Variants in SMOC2 observed in about 807,000 individuals in gnomAD.
SMOC2 encodes the protein SPARC-related modular calcium-binding protein 2.
Under a neutral mutation model 61.4 loss-of-function variants are expected in SMOC2, and 39 were observed. The ratio of observed to expected loss-of-function variants is 0.64; its 90% CI spans 0.49 to 0.83. The LOEUF (loss-of-function observed/expected upper bound fraction) is 0.83, where lower values mean the gene tolerates loss of function less well. Among genes scored for constraint, SMOC2 ranks in the 40% least tolerant of loss-of-function variants. SMOC2 has a pLI of 0.00. For missense variants in SMOC2, 556 were observed against 592.9 expected (o/e 0.94, Z 0.65); for synonymous variants, 247 against 239.9 (o/e 1.03, Z -0.27).
chr6:168,613,139 T>C (rs1785931824), intron 9 of SMOC2, among the ~76,000 whole-genome samples: 2 of 152,198 alleles, frequency 1.3e-5, no homozygotes, highest in African/African-American at 4.8e-5. Flanking sequence ...TTCGTCATTG[T>C]GACGATCTGC....
intron 2 of SMOC2, among the ~76,000 whole-genome samples, chr6:168,519,818 G>A (rs189642435): frequency 6.6e-5 from 10 of 152,184 alleles, no homozygotes; most frequent in Admixed American, 3.9e-4. Flanking sequence ...ATGATCTGTG[G>A]TTTCTTGTAT....
chr6:168,529,883 C>G (rs1365884345), intron 4 of SMOC2, among the ~76,000 whole-genome samples: 1 of 152,214 alleles, frequency 6.6e-6, no homozygotes, highest in Admixed American at 6.5e-5. Context: ...GTGTCTTGAT[C>G]TGTAGGCGCC....
Position 168,629,018 on chromosome 6 carries a change from G to A in SMOC2, c.907+20779G>A, listed in dbSNP as rs999766463. 1.6e-4 allele frequency among the ~76,000 whole-genome samples: 24 copies of A among 152,246 alleles called. 1 individual carries two copies. Among genetic ancestry groups the A allele is most frequent in the Admixed American group, 1.5e-3 (23 of 15,290 alleles). On this transcript the variant is annotated intron_variant, in intron 9 of 12. Transcript: ENST00000356284. ...GCGTTGGCTGGCAGGCAGGCGAGGG[G>A]GACTCACGGCCTCTTTTCAGCTCTC...
At chr6:168,645,161 ATTTCT>A (rs1362564737) in intron 9 of SMOC2, among the ~76,000 whole-genome samples, 1 of 152,230 alleles carries the variant, frequency 6.6e-6, no homozygotes, top group Non-Finnish European at 1.5e-5. Context: ...TTTCTTACAG[ATTTCT>A]GGAGAAGGAG....
chr6:168,477,965 A>C (rs1415360673), intron 1 of SMOC2, among the ~76,000 whole-genome samples: 2 of 152,110 alleles, frequency 1.3e-5, no homozygotes, highest in Non-Finnish European at 2.9e-5. Flanking sequence ...ACTGCTCATA[A>C]AGGTCTTCTC....
intron 1 of SMOC2, among the ~76,000 whole-genome samples, chr6:168,507,563 G>C (rs1671157455): frequency 6.6e-6 from 1 of 152,206 alleles, no homozygotes; most frequent in African/African-American, 2.4e-5. Context: ...GCACCCGAAG[G>C]TCATGTCTCC....
At chr6:168,620,463 G>T (rs1786215083) in intron 9 of SMOC2, among the ~76,000 whole-genome samples, 1 of 152,094 alleles carries the variant, frequency 6.6e-6, no homozygotes, top group Non-Finnish European at 1.5e-5. Flanking sequence ...TATGACCCTG[G>T]GATGAATGCT....
At position 168,599,005 on chromosome 6, in the gene SMOC2, G is replaced by A; in HGVS notation, c.824+1G>A. On this transcript the variant is annotated splice_donor_variant, in intron 8 of 12. Transcript: ENST00000356284. LOFTEE classifies it high-confidence loss of function. ...GCCCCATTCCCGGCACATCCACAAG[G>A]TAAATAGGGTGCACCCACCCCCCCC... The A allele has an allele frequency of 6.3e-7, 1 of 1,591,078 alleles. No homozygotes were observed. Among genetic ancestry groups the A allele is most frequent in the Non-Finnish European group, 8.6e-7 (1 of 1,168,138 alleles).
intron 7 of SMOC2, among the ~76,000 whole-genome samples, chr6:168,594,346 T>C (rs866741041): frequency 3.8e-4 from 8 of 20,896 alleles, no homozygotes; most frequent in Admixed American, 1.2e-3. Context: ...ATCGCCGAGC[T>C]CCTCCTCCTT....
chr6:168,447,741 G>T (rs1267541957), intron 1 of SMOC2, among the ~76,000 whole-genome samples: 1 of 151,810 alleles, frequency 6.6e-6, no homozygotes, highest in Non-Finnish European at 1.5e-5. Flanking sequence ...GCCCTTGAGT[G>T]CAGGTCACCA....
intron 3 of SMOC2, 57 bp from the exon 4 acceptor site, chr6:168,527,571 C>A (rs2609287): frequency 1.5e-6 from 2 of 1,293,212 alleles, no homozygotes; most frequent in East Asian, 2.5e-5. Context: ...GCCTCGCAGC[C>A]GTGAGGCGCT....
At chr6:168,627,473 C>A (rs1354866859) in intron 9 of SMOC2, among the ~76,000 whole-genome samples, 1 of 152,072 alleles carries the variant, frequency 6.6e-6, no homozygotes, top group East Asian at 1.9e-4. Context: ...TCTCTGCGGG[C>A]AGGATGTCAG....
intron 11 of SMOC2, among the ~76,000 whole-genome samples, chr6:168,654,342 CA>C (rs1562407384): frequency 8.4e-5 from 4 of 47,632 alleles, no homozygotes; most frequent in African/African-American, 1.3e-4. Context: ...AGGAACTCAC[CA>C]ACCCTCTACC....
intron 1 of SMOC2, among the ~76,000 whole-genome samples, chr6:168,501,007 G>A (rs1458512674): frequency 6.6e-6 from 1 of 152,196 alleles, no homozygotes; most frequent in Admixed American, 6.5e-5. Flanking sequence ...GTTCAGCTGT[G>A]TTACAGTATT....
At chr6:168,620,576 C>A (rs1255553649) in intron 9 of SMOC2, among the ~76,000 whole-genome samples, 2 of 152,220 alleles carry the variant, frequency 1.3e-5, no homozygotes, top group Non-Finnish European at 1.5e-5. Context: ...TGGTAGAATT[C>A]TTGTAAACTC....
intron 11 of SMOC2, chr6:168,655,459 C>T (rs990856172): frequency 1.5e-5 from 7 of 455,340 alleles, no homozygotes; most frequent in Admixed American, 1.4e-4. Context: ...CAGGAGAAGC[C>T]GGGTCTGACT....
At chr6:168,601,191 C>T (rs762583442) in intron 8 of SMOC2, among the ~76,000 whole-genome samples, 20 of 152,206 alleles carry the variant, frequency 1.3e-4, no homozygotes, top group Non-Finnish European at 1.8e-4. Context: ...GGGCTCAAGC[C>T]GACTAATGCC....
At chr6:168,662,392 G>C (rs1238264389) in intron 11 of SMOC2, among the ~76,000 whole-genome samples, 70 of 152,230 alleles carry the variant, frequency 4.6e-4, no homozygotes, top group Non-Finnish European at 7.3e-5. Context: ...GGAGACTGGA[G>C]GAGCAGAGGA....
At position 168,543,617 on chromosome 6, in the gene SMOC2, T is replaced by C. The variant is rs780480375; in HGVS notation, c.464-8T>C. ...AATTTCATTTCACTCCTTATTTTCC[T>C]CTTTTAGGTTCCGTAAATGAAAAGT... On this transcript the variant is annotated splice_region_variant and splice_polypyrimidine_tract_variant and intron_variant, in intron 4 of 12. Transcript: ENST00000356284. 1.9e-6 allele frequency: 3 copies of C among 1,613,122 alleles called. No individual in the cohort carries two copies. The East Asian group carries it at 6.7e-5, about 36-fold the overall frequency.
Sources: gnomAD v4.1 joint callset for allele counts (sites outside exome capture counted in the v4.1 genomes callset) on GRCh38, gnomAD v4.1.1 for gene constraint, MANE v1.5 for transcripts, NCBI Gene and HGNC (gene_info 2026-07-23, HGNC 2026-07-21) for gene names.